DNAAF9: variants seen among roughly 807,000 people sequenced by gnomAD.
DNAAF9 encodes the protein dynein axonemal assembly factor 9.
In DNAAF9, 90 loss-of-function variants were observed where a neutral mutation model predicts 167.0. That is an observed-to-expected ratio of 0.54 (90% CI 0.45 to 0.64). The LOEUF (loss-of-function observed/expected upper bound fraction) is 0.64. Ranked by LOEUF, DNAAF9 falls within the 30% of genes least tolerant of loss-of-function variation. The pLI is 0.00. For missense variants in DNAAF9, 1,315 were observed against 1,442.2 expected, an observed-to-expected ratio of 0.91 and a Z score of 1.43; for synonymous variants, 491 against 508.8, an observed-to-expected ratio of 0.96 and a Z score of 0.47.
chr20:3,259,402 C>G, intron 33 of DNAAF9, 78 bp downstream of exon 33: 1 of 951,578 alleles, frequency 1.1e-6, no homozygotes, highest in South Asian at 1.3e-5. Flanking sequence ...TGCAGAGCAC[C>G]AGCAGAGGCT....
At chr20:3,399,730 A>G (rs778966109) in intron 1 of DNAAF9, among the ~76,000 whole-genome samples, 12 of 152,164 alleles carry the variant, frequency 7.9e-5, no homozygotes, top group Non-Finnish European at 1.6e-4. Flanking sequence ...TTCTGTGATC[A>G]TGGAGCTATG....
At chr20:3,401,856 C>T (rs573009796) in intron 1 of DNAAF9, among the ~76,000 whole-genome samples, 7 of 41,656 alleles carry the variant, frequency 1.7e-4, no homozygotes, top group Admixed American at 6.2e-4. Context: ...AGGGGGTGAC[C>T]GTGGGGAGGG....
rs772983838 is a variant in DNAAF9 at position 3,298,053 on chromosome 20, C to G, written c.1905G>C (p.Lys635Asn). The G allele has an allele frequency of 1.2e-6, 2 of 1,613,326 alleles. No individual in the cohort carries two copies. The highest frequency in any genetic ancestry group is 4.5e-5 in the East Asian group (2 of 44,868). The change falls in exon 22 of 37, where the codon AAG becomes AAC. Residue 635 changes from lysine (K) to asparagine (N), a missense_variant. Physicochemically the swap from Lys to Asn is moderately conservative, Grantham distance 94. Transcript: ENST00000252032. The stretch of plus-strand genomic sequence containing the variant: ...CCTCTGAGTAAAATGCTTGGTATAT[C>G]TTCGATTTGGGGAAAAGGGCAATCA... ...FLMIALFPKS[K>N]IYQAFYSEVF... is the part of the protein sequence containing the mutation.
chr20:3,273,120 C>A (rs2068622412), intron 29 of DNAAF9, among the ~76,000 whole-genome samples: 1 of 152,134 alleles, frequency 6.6e-6, no homozygotes, highest in Non-Finnish European at 1.5e-5. Flanking sequence ...CGTGAGCCAT[C>A]GCGCCCGGTG....
chr20:3,261,958 G>T (rs1031257114), intron 31 of DNAAF9, among the ~76,000 whole-genome samples: 1 of 152,034 alleles, frequency 6.6e-6, no homozygotes, highest in African/African-American at 2.4e-5. Flanking sequence ...GGGTGGATGC[G>T]AACAGAGAAG....
chr20:3,324,844 A>G, intron 14 of DNAAF9, 48 bp downstream of exon 14: 1 of 955,390 alleles, frequency 1.0e-6, no homozygotes, highest in Non-Finnish European at 1.7e-6. Flanking sequence ...AGAATATTCC[A>G]AAACGAAGAA....
At chr20:3,336,264 T>TG (rs1568612390) in intron 10 of DNAAF9, among the ~76,000 whole-genome samples, 50 of 137,996 alleles carry the variant, frequency 3.6e-4, no homozygotes, top group African/African-American at 1.6e-3. Context: ...TTTTGTTTTT[T>TG]TTTTTTTTTT....
chr20:3,301,024 T>C (rs1352310597), intron 21 of DNAAF9, among the ~76,000 whole-genome samples: 2 of 151,794 alleles, frequency 1.3e-5, no homozygotes, highest in Admixed American at 6.6e-5. Flanking sequence ...TTTCCTTTTT[T>C]TTTTTTCAGA....
At chr20:3,327,619 G>GA (rs1273839336) in intron 12 of DNAAF9, among the ~76,000 whole-genome samples, 4 of 152,080 alleles carry the variant, frequency 2.6e-5, no homozygotes, top group Non-Finnish European at 5.9e-5. Flanking sequence ...TTGAAAGTGG[G>GA]AAAAAACACA....
intron 7 of DNAAF9, among the ~76,000 whole-genome samples, chr20:3,358,212 G>C (rs2083314606): frequency 6.6e-6 from 1 of 151,940 alleles, no homozygotes; most frequent in Admixed American, 6.6e-5. Flanking sequence ...GGCTTGAGGG[G>C]AAGTCTATTA....
At chr20:3,327,133 C>T (rs1429026715) in intron 12 of DNAAF9, among the ~76,000 whole-genome samples, 3 of 152,118 alleles carry the variant, frequency 2.0e-5, no homozygotes, top group East Asian at 1.9e-4. Context: ...TGGACTGCCA[C>T]GAAGGTCCCT....
At chr20:3,304,901 T>C (rs1359134973) in intron 20 of DNAAF9, among the ~76,000 whole-genome samples, 1 of 152,256 alleles carries the variant, frequency 6.6e-6, no homozygotes, top group Non-Finnish European at 1.5e-5. Flanking sequence ...TTTCCTTTCT[T>C]CTGCTTTGCC....
chr20:3,309,570 A>C (rs2069364887), intron 20 of DNAAF9, among the ~76,000 whole-genome samples: 1 of 152,256 alleles, frequency 6.6e-6, no homozygotes, highest in South Asian at 2.1e-4. Flanking sequence ...ACTGCCGATC[A>C]GTGGGAAAAC....
chr20:3,340,454 C>CCCCCCCCCCCT, intron 10 of DNAAF9, 50 bp downstream of exon 10: 1 of 1,053,078 alleles, frequency 9.5e-7, no homozygotes, highest in Non-Finnish European at 1.3e-6. Flanking sequence ...ACCCCACCCC[C>CCCCCCCCCCCT]ACAACTTGAT....
intron 28 of DNAAF9, among the ~76,000 whole-genome samples, chr20:3,280,643 C>T (rs2068749832): frequency 1.3e-5 from 2 of 151,560 alleles, no homozygotes; most frequent in Admixed American, 6.6e-5. Context: ...TTTGAGATAG[C>T]GTCTCACTGT....
Position 3,293,292 on chromosome 20 carries a change from C to CAAAAAAAA in DNAAF9, c.2238+839_2238+846dup, listed in dbSNP as rs1172725572. Among the ~76,000 whole-genome samples the CAAAAAAAA allele has an allele frequency of 1.9e-3, 43 of 22,868 alleles. 10 individuals carry two copies. The highest frequency in any genetic ancestry group is 7.9e-3 in the East Asian group (5 of 636). 15.0% of individuals were successfully genotyped at this position (22,868 alleles called of 152,430 possible). A position where few individuals can be genotyped will look rare whatever the true frequency, so the allele number is the denominator to read the frequency against. Reference sequence around the variant, plus strand: ...TGGGCAACAGAGGGAGACTCCGTCTCAAAAAAAAAAAAAAAAAAAAAAAAA... The same window carrying CAAAAAAAA: ...TGGGCAACAGAGGGAGACTCCGTCTCAAAAAAAAAAAAAAAAAAAAAAAAAAAAAAAAA... On this transcript the variant is annotated intron_variant, in intron 25 of 36. Coordinates refer to ENST00000252032, the MANE Select transcript of DNAAF9 (RefSeq NM_001009984.3).
intron 35 of DNAAF9, among the ~76,000 whole-genome samples, chr20:3,254,879 C>T (rs2281495): frequency 1.3e-5 from 2 of 152,178 alleles, no homozygotes; most frequent in African/African-American, 4.8e-5. Context: ...TGGATCCAGA[C>T]AGTTTTTGCC....
At chr20:3,302,298 T>G (rs1395937560) in intron 21 of DNAAF9, among the ~76,000 whole-genome samples, 1 of 152,202 alleles carries the variant, frequency 6.6e-6, no homozygotes, top group African/African-American at 2.4e-5. Flanking sequence ...TGGGGTATAA[T>G]ATATTGTTTC....
At chr20:3,293,291 T>TAAA (rs2068997278) in intron 25 of DNAAF9, among the ~76,000 whole-genome samples, 1 of 8,542 alleles carries the variant, frequency 1.2e-4, no homozygotes. Context: ...AGACTCCGTC[T>TAAA]CAAAAAAAAA....
Sources: allele counts gnomAD v4.1 joint callset (sites outside exome capture counted in the v4.1 genomes callset), GRCh38; gene constraint gnomAD v4.1.1; transcripts MANE v1.5; gene names NCBI Gene and HGNC (gene_info 2026-07-23, HGNC 2026-07-21).